LAMA2: variants seen among roughly 807,000 people sequenced by gnomAD.
The protein encoded by LAMA2 is laminin subunit alpha-2.
Under a neutral mutation model 364.8 loss-of-function variants are expected in LAMA2, and 269 were observed. That is an observed-to-expected ratio of 0.74 (90% CI 0.67 to 0.82). The LOEUF (loss-of-function observed/expected upper bound fraction) is 0.82. LAMA2 is among the 40% of genes least tolerant of loss of function. The probability of loss-of-function intolerance (pLI) is 0.00; values close to 1 mark genes in which losing one functional copy is unlikely to be tolerated. For missense variants in LAMA2, 3,807 were observed against 3,873.2 expected (o/e 0.98, Z 0.45); for synonymous variants, 1,379 against 1,370.6 (o/e 1.01, Z -0.14).
intron 7 of LAMA2, among the ~76,000 whole-genome samples, chr6:129,153,224 C>T (rs1257156301): frequency 6.6e-6 from 1 of 152,154 alleles, no homozygotes; most frequent in Non-Finnish European, 1.5e-5. Context: ...TTGCTAACTT[C>T]TTTATAAGAC....
intron 22 of LAMA2, among the ~76,000 whole-genome samples, chr6:129,302,922 C>A (rs528058584): frequency 6.6e-6 from 1 of 152,040 alleles, no homozygotes; most frequent in African/African-American, 2.4e-5. Context: ...GTTTCCAATA[C>A]CTTTTGAGTA....
chr6:128,967,474 A>C (rs1029390678), intron 1 of LAMA2, among the ~76,000 whole-genome samples: 3 of 152,178 alleles, frequency 2.0e-5, no homozygotes, highest in African/African-American at 7.2e-5. Flanking sequence ...GCTATACATC[A>C]GGCTTGGAAA....
In LAMA2 at chr6:129,403,873, G is replaced by A. The variant is rs2114697718; in HGVS notation, c.5779G>A (p.Ala1927Thr). 2 of 1,613,812 alleles carry A rather than the reference G, an allele frequency of 1.2e-6. No individual in the cohort carries two copies. The highest frequency in any genetic ancestry group is 1.7e-5 in the Admixed American group (1 of 60,014). ...ISFNATAAFKAYSNIKDYIDE... is the reference protein window; with the variant it reads ...ISFNATAAFKTYSNIKDYIDE... ...CTTCAATGCCACTGCAGCCTTCAAA[G>A]CTTACAGCAATATTAAGGACTATAT... Residue 1927 changes from alanine to threonine, a missense_variant, in exon 40 of 65, where the codon GCT (alanine) becomes ACT (threonine). Physicochemically the swap from Ala to Thr is moderately conservative, Grantham distance 58. Coordinates refer to ENST00000421865, the MANE Select transcript of LAMA2 (RefSeq NM_000426.4).
At chr6:129,045,436 T>G (rs1404785584) in intron 1 of LAMA2, among the ~76,000 whole-genome samples, 1 of 152,206 alleles carries the variant, frequency 6.6e-6, no homozygotes, top group Non-Finnish European at 1.5e-5. Context: ...TTGTAAGCTT[T>G]TTAAAGAGCT....
intron 43 of LAMA2, among the ~76,000 whole-genome samples, chr6:129,442,047 G>A (rs1782143256): frequency 1.3e-5 from 2 of 152,126 alleles, no homozygotes; most frequent in Admixed American, 6.6e-5. Flanking sequence ...AGATGCTTGG[G>A]TAATCTGTGC....
At chr6:129,069,353 C>G (rs1293856717) in intron 3 of LAMA2, among the ~76,000 whole-genome samples, 1 of 149,342 alleles carries the variant, frequency 6.7e-6, no homozygotes, top group Non-Finnish European at 1.5e-5. Context: ...TAATTTTTTA[C>G]TTACATATTA....
intron 58 of LAMA2, among the ~76,000 whole-genome samples, chr6:129,495,395 T>G (rs1785109577): frequency 6.6e-6 from 1 of 152,170 alleles, no homozygotes; most frequent in Admixed American, 6.5e-5. Context: ...ATTTGAAATA[T>G]TCCCTTCATA....
chr6:129,280,140 T>C lies in LAMA2; in HGVS notation c.2530T>C (p.Cys844Arg). 6.2e-7 allele frequency: 1 copy of C among 1,603,622 alleles called. No individual in the cohort carries two copies. The highest frequency in any genetic ancestry group is 8.5e-7 in the Non-Finnish European group (1 of 1,170,618). ...CCCTGTCGGGTACACAGGACCACGC[T>C]GTGAGAGGTAAGAGTATACTACACT... ...GCPVGYTGPR[C>R]ERCAEGYFGQ... The change falls in exon 18 of 65, where the codon TGT becomes CGT. Residue 844 changes from cysteine (C) to arginine (R), a missense_variant. By Grantham distance (180) the Cys-to-Arg change is radical. This residue lies in a region of LAMA2 where 3,333 missense variants were observed against 3,345.7 expected (regional missense o/e 1.00). Transcript: ENST00000421865.
intron 17 of LAMA2, among the ~76,000 whole-genome samples, chr6:129,278,519 T>G (rs1216998314): frequency 1.3e-5 from 2 of 152,164 alleles, no homozygotes; most frequent in Non-Finnish European, 1.5e-5. Flanking sequence ...TTTTTTTATT[T>G]TATTTTAACC....
At chr6:129,341,892 T>C (rs1484689919) in intron 29 of LAMA2, among the ~76,000 whole-genome samples, 1 of 152,220 alleles carries the variant, frequency 6.6e-6, no homozygotes, top group Non-Finnish European at 1.5e-5. Flanking sequence ...CACCTTGAGG[T>C]GGTTTCAGAA....
intron 1 of LAMA2, among the ~76,000 whole-genome samples, chr6:129,030,419 A>G (rs1379033281): frequency 6.6e-6 from 1 of 152,134 alleles, no homozygotes; most frequent in Non-Finnish European, 1.5e-5. Flanking sequence ...TGTTGCATAT[A>G]GTTTAAGAAG....
At chr6:129,492,215 A>T in intron 57 of LAMA2, 100 bp from the exon 58 acceptor site, 5 of 1,439,524 alleles carry the variant, frequency 3.5e-6, no homozygotes, top group Non-Finnish European at 4.9e-6. Context: ...GACTGAGAAA[A>T]GCACACTAAT....
chr6:129,489,285 A>G (rs990171964), intron 56 of LAMA2, among the ~76,000 whole-genome samples: 2 of 152,174 alleles, frequency 1.3e-5, no homozygotes, highest in African/African-American at 4.8e-5. Context: ...ACTGGGGGCC[A>G]AGCTTCTCAA....
chr6:129,437,582 AT>A (rs1781897041), intron 41 of LAMA2, among the ~76,000 whole-genome samples: 1 of 152,052 alleles, frequency 6.6e-6, no homozygotes, highest in Admixed American at 6.6e-5. Context: ...TCCCAAAACA[AT>A]TTTTATGGCA....
Position 129,481,251 on chromosome 6 carries a change from C to T in LAMA2, c.7573-12C>T. On this transcript the variant is annotated splice_polypyrimidine_tract_variant and intron_variant, in intron 54 of 64. Coordinates refer to ENST00000421865, the MANE Select transcript of LAMA2 (RefSeq NM_000426.4). ...TCTAATGGTTTCTACTCTTCTTTTCCTTTACTCACAGAATGTTTACACAGT... is the reference window on the plus strand; with the variant it reads ...TCTAATGGTTTCTACTCTTCTTTTCTTTTACTCACAGAATGTTTACACAGT... The T allele has an allele frequency of 1.2e-6, 2 of 1,611,262 alleles. No homozygotes were observed. The highest frequency in any genetic ancestry group is 1.7e-6 in the Non-Finnish European group (2 of 1,177,570).
rs757709716 is a variant in LAMA2, at chr6:129,440,945, T to C, written c.6215T>C (p.Leu2072Pro). 1.9e-6 allele frequency: 3 copies of C among 1,613,940 alleles called. No homozygotes were observed. Among genetic ancestry groups the C allele is most frequent in the Non-Finnish European group, 2.5e-6 (3 of 1,179,868 alleles). ...GGCCTGAAGAAGAATTACAATAAAC[T>C]AGCAGACAGCGTCGCCAAAACGAAT... is the stretch of plus-strand genomic sequence containing the variant. ...LDGLKKNYNK[L>P]ADSVAKTNAV... The change falls in exon 43 of 65, where the codon CTA becomes CCA. Residue 2072 changes from leucine (L) to proline (P), a missense_variant. Physicochemically the swap from Leu to Pro is moderately conservative, Grantham distance 98. This residue lies in a region of LAMA2 where 3,333 missense variants were observed against 3,345.7 expected (regional missense o/e 1.00). Transcript: ENST00000421865.
chr6:129,209,785 C>T (rs984296375), intron 12 of LAMA2, among the ~76,000 whole-genome samples: 5 of 151,868 alleles, frequency 3.3e-5, no homozygotes, highest in African/African-American at 1.2e-4. Context: ...GGGCGGATAA[C>T]GAGGTCAGGA....
chr6:129,276,921 GAC>G (rs1788367057), intron 17 of LAMA2, among the ~76,000 whole-genome samples: 1 of 151,672 alleles, frequency 6.6e-6, no homozygotes. Flanking sequence ...ATAGATTGTT[GAC>G]ATAGTCACAT....
chr6:129,407,278 C>A (rs9388705), intron 40 of LAMA2, among the ~76,000 whole-genome samples: 76,217 of 151,918 alleles, frequency 0.5, 19,601 homozygotes, highest in African/African-American at 0.62. Context: ...CACAAGTCCA[C>A]CCCTTGTCAA....
Sources: gnomAD v4.1 joint callset for allele counts (sites outside exome capture counted in the v4.1 genomes callset) on GRCh38, gnomAD v4.1.1 for gene constraint, gnomAD v4.1.1 regional missense constraint, MANE v1.5 for transcripts, NCBI Gene and HGNC (gene_info 2026-07-23, HGNC 2026-07-21) for gene names.